The following PLXNA1 variants were observed in gnomAD, a reference collection of about 807,000 sequenced individuals.
PLXNA1 encodes the protein plexin-A1.
Under a neutral mutation model 191.7 loss-of-function variants are expected in PLXNA1, and 77 were observed. The observed-to-expected ratio is 0.40, with a 90% CI of 0.33 to 0.49. The LOEUF is 0.49. Ranked by LOEUF, PLXNA1 falls within the 20% of genes least tolerant of loss-of-function variation. The probability of loss-of-function intolerance (pLI) is 0.63; values close to 1 mark genes in which losing one functional copy is unlikely to be tolerated. For synonymous variants in PLXNA1, 1,137 were observed against 1,156.4 expected, an observed-to-expected ratio of 0.98 and a Z score of 0.34; for missense variants, 2,110 against 2,660.2, an observed-to-expected ratio of 0.79 and a Z score of 4.55.
At chr3:127,003,603 A>G in intron 4 of PLXNA1, 133 bp downstream of exon 4, 2 of 1,087,748 alleles carry the variant, frequency 1.8e-6, no homozygotes, top group East Asian at 2.8e-5. Context: ...AGTAGTTTCA[A>G]GCTGGTCTGT....
In PLXNA1 at chr3:127,029,746, G is replaced by C; in HGVS notation, c.4871-128G>C. 3 of 1,180,186 alleles carry C rather than the reference G, an allele frequency of 2.5e-6. No individual in the cohort carries two copies. The East Asian group carries it at 7.7e-5, about 30-fold the overall frequency. 73.1% of individuals were successfully genotyped at this position (1,180,186 alleles called of 1,614,324 possible). A position where few individuals can be genotyped will look rare whatever the true frequency, so the allele number is the denominator to read the frequency against. Reference sequence around the variant, plus strand: ...CGTACACAATTATGCCACCTCTGTGGTGTCATCGGCTGCCCCAAAATCCCA... The same window carrying C: ...CGTACACAATTATGCCACCTCTGTGCTGTCATCGGCTGCCCCAAAATCCCA... On this transcript the variant is annotated intron_variant, in intron 27 of 31. Coordinates refer to ENST00000393409, the MANE Select transcript of PLXNA1 (RefSeq NM_032242.4).
At chr3:127,005,930 T>C in intron 7 of PLXNA1, 149 bp from the exon 8 acceptor site, 1 of 698,820 alleles carries the variant, frequency 1.4e-6, no homozygotes, top group Non-Finnish European at 2.6e-6. Context: ...CCTGGTCACC[T>C]GGGGGCTGAG....
chr3:127,023,923 T>C (rs2107635995), intron 23 of PLXNA1, among the ~76,000 whole-genome samples: 1 of 152,206 alleles, frequency 6.6e-6, no homozygotes, highest in Admixed American at 6.5e-5. Context: ...GGGGCTGGGC[T>C]TGTCTGTCCT....
chr3:127,014,060 A>G lies in PLXNA1; in HGVS notation c.2354A>G (p.Asn785Ser). ...EGNDVSDLPV[N>S]LSVVWNGNFV... ...AACGATGTCAGCGACCTGCCAGTGA[A>G]CCTGTCAGTCGTGTGGAACGGCAAC... is the stretch of plus-strand genomic sequence containing the variant. The change falls in exon 11 of 32, where the codon AAC becomes AGC. Residue 785 changes from asparagine (N) to serine (S), a missense_variant. Asn to Ser is a conservative substitution (Grantham distance 46, BLOSUM62 1). Transcript: ENST00000393409. The G allele has an allele frequency of 6.2e-7, 1 of 1,613,928 alleles. No individual in the cohort carries two copies. The highest frequency in any genetic ancestry group is 1.3e-5 in the African/African-American group (1 of 75,014).
intron 7 of PLXNA1, 65 bp downstream of exon 7, chr3:127,005,308 G>C (rs73196539): frequency 1.3e-6 from 2 of 1,521,164 alleles, no homozygotes; most frequent in African/African-American, 1.4e-5. Context: ...TCCAGTTGCC[G>C]CCTGTTTAGC....
chr3:126,983,874 G>A (rs2078944305), intron 1 of PLXNA1, among the ~76,000 whole-genome samples: 1 of 152,158 alleles, frequency 6.6e-6, no homozygotes, highest in South Asian at 2.1e-4. Context: ...CTAAGCCCCC[G>A]GCCGGCCCTG....
chr3:127,013,783 G>T (rs1403895776), intron 10 of PLXNA1, among the ~76,000 whole-genome samples: 1 of 152,228 alleles, frequency 6.6e-6, no homozygotes, highest in Non-Finnish European at 1.5e-5. Context: ...TGCCACAGAG[G>T]TGACTGTGGG....
intron 2 of PLXNA1, among the ~76,000 whole-genome samples, chr3:126,990,123 C>T (rs1199860655): frequency 6.6e-6 from 1 of 152,222 alleles, no homozygotes. Context: ...TGGTGCTTGC[C>T]TGCTCCATCT....
intron 19 of PLXNA1, 41 bp downstream of exon 19, chr3:127,017,933 GC>G (rs2079132876): frequency 6.2e-7 from 1 of 1,605,810 alleles, no homozygotes. Flanking sequence ...GGAGAGCCAT[GC>G]CCCACCTGTG....
rs374903793 is a variant in PLXNA1 at position 127,014,335 on chromosome 3, G to A, written c.2564G>A (p.Arg855His). The stretch of plus-strand genomic sequence containing the variant: ...ACACCTGCATCGTGGATGCACGCGC[G>A]TCACGGCAGCAGTCGCTGCACCGAC... ...ADTPASWMHA[R>H]HGSSRCTDPK... The change falls in exon 12 of 32, where the codon CGT (arginine) becomes CAT (histidine). Residue 855 changes from arginine to histidine, a missense_variant. Arg to His is a conservative substitution (Grantham distance 29, BLOSUM62 0). Transcript: ENST00000393409. 131 of 1,596,556 alleles carry A rather than the reference G, an allele frequency of 8.2e-5. No homozygotes were observed. The highest frequency in any genetic ancestry group is 5.2e-4 in the Admixed American group (31 of 59,436).
Position 126,989,252 on chromosome 3 carries a change from A to C in PLXNA1, c.659A>C (p.Tyr220Ser). Residue 220 changes from tyrosine (Y) to serine (S), a missense_variant, in exon 2 of 32, where the codon TAC (tyrosine) becomes TCC (serine). By Grantham distance (144) the Tyr-to-Ser change is moderately radical. Coordinates refer to ENST00000393409, the MANE Select transcript of PLXNA1 (RefSeq NM_032242.4). ...EEDADMFGFV[Y>S]QDEFVSSQLK... ...GATGCCGACATGTTCGGCTTCGTGT[A>C]CCAGGATGAGTTTGTGTCATCACAG... The C allele has an allele frequency of 6.2e-7, 1 of 1,613,672 alleles. No homozygotes were observed. The highest frequency in any genetic ancestry group is 8.5e-7 in the Non-Finnish European group (1 of 1,180,044).
intron 2 of PLXNA1, 144 bp downstream of exon 2, chr3:126,989,931 G>A: frequency 2.8e-6 from 2 of 719,392 alleles, no homozygotes; most frequent in East Asian, 2.7e-5. Context: ...CAGCTAGGTG[G>A]GGCTGCCCTT....
At chr3:127,018,197 C>T (rs1223773348) in intron 19 of PLXNA1, 97 bp from the exon 20 acceptor site, 15 of 1,126,804 alleles carry the variant, frequency 1.3e-5, no homozygotes, top group Non-Finnish European at 1.9e-5. Flanking sequence ...ACCTTTCCCA[C>T]AGGCAGGTGT....
intron 25 of PLXNA1, 23 bp from the exon 26 acceptor site, chr3:127,028,970 C>T (rs992273141): frequency 8.8e-6 from 14 of 1,599,722 alleles, no homozygotes; most frequent in Non-Finnish European, 1.2e-5. Context: ...GCGGCCCCAC[C>T]CTCCAGCTCC....
chr3:127,014,573 G>C lies in PLXNA1; in HGVS notation c.2700G>C (p.Val900=). 4 of 1,613,014 alleles carry C rather than the reference G, an allele frequency of 2.5e-6. No individual in the cohort carries two copies. The highest frequency in any genetic ancestry group is 3.4e-6 in the Non-Finnish European group (4 of 1,179,886). Residue 900 remains valine (V), a synonymous_variant, in exon 13 of 32, where the codon GTG becomes GTC. Coordinates refer to ENST00000393409, the MANE Select transcript of PLXNA1 (RefSeq NM_032242.4). The part of the protein sequence containing the change: ...GLRFEDVRLG[V]RVGKVLCSPV... Reference sequence around the variant, plus strand: ...GATTCGAAGACGTGCGTCTGGGCGTGCGCGTGGGCAAGGTGCTGTGCAGCC... The same window carrying C: ...GATTCGAAGACGTGCGTCTGGGCGTCCGCGTGGGCAAGGTGCTGTGCAGCC...
At position 127,030,245 on chromosome 3, in the gene PLXNA1, C is replaced by T; in HGVS notation, c.5064C>T (p.Gly1688=). ...GTGTCCCTGCCTGCCCCCCGCAGGG[C>T]ACACTGCAGAAGTTTGTGGACGACC... is the stretch of plus-strand genomic sequence containing the variant. ...IYLTRLLATK[G]TLQKFVDDLF... is the part of the protein sequence containing the mutation. Residue 1688 remains glycine, a splice_region_variant and synonymous_variant, in exon 29 of 32, where the codon GGC becomes GGT. Coordinates refer to ENST00000393409, the MANE Select transcript of PLXNA1 (RefSeq NM_032242.4). The T allele has an allele frequency of 6.2e-7, 1 of 1,613,176 alleles. No homozygotes were observed. Among genetic ancestry groups the T allele is most frequent in the East Asian group, 2.2e-5 (1 of 44,880 alleles).
intron 3 of PLXNA1, among the ~76,000 whole-genome samples, chr3:126,997,606 TC>T (rs2079020158): frequency 6.6e-6 from 1 of 152,216 alleles, no homozygotes; most frequent in South Asian, 2.1e-4. Context: ...CATCTGTGCT[TC>T]CTGGTGAGCG....
chr3:127,020,161 C>T, intron 20 of PLXNA1, 41 bp from the exon 21 acceptor site: 1 of 1,605,590 alleles, frequency 6.2e-7, no homozygotes, highest in Non-Finnish European at 8.5e-7. Flanking sequence ...TGGAGCGGGG[C>T]CACCAGGGCA....
chr3:127,028,963 G>T, intron 25 of PLXNA1, 30 bp from the exon 26 acceptor site: 1 of 1,578,438 alleles, frequency 6.3e-7, no homozygotes. Flanking sequence ...GGCCCCAGCG[G>T]CCCCACCCTC....
Sources: allele counts gnomAD v4.1 joint callset (sites outside exome capture counted in the v4.1 genomes callset), GRCh38; gene constraint gnomAD v4.1.1; transcripts MANE v1.5; gene names NCBI Gene and HGNC (gene_info 2026-07-23, HGNC 2026-07-21).